Variants in NRXN1 observed in about 807,000 individuals in gnomAD.
The protein encoded by NRXN1 is neurexin-1.
In NRXN1, 39 loss-of-function variants were observed where a neutral mutation model predicts 150.9. The ratio of observed to expected loss-of-function variants is 0.26; its 90% CI spans 0.20 to 0.34. The LOEUF is 0.34. NRXN1 is among the 10% of genes least tolerant of loss of function. The pLI is 1.00. For missense variants in NRXN1, 1,815 were observed against 1,949.9 expected (o/e 0.93, Z 1.30); for synonymous variants, 924 against 757.0 (o/e 1.22, Z -3.62).
chr2:50,306,262 A>G (rs937920837), intron 17 of NRXN1, among the ~76,000 whole-genome samples: 1 of 152,224 alleles, frequency 6.6e-6, no homozygotes, highest in African/African-American at 2.4e-5. Flanking sequence ...CTTCTTTTTA[A>G]GTCACTATGG....
At chr2:50,449,802 A>G (rs979497445) in intron 17 of NRXN1, among the ~76,000 whole-genome samples, 6 of 152,156 alleles carry the variant, frequency 3.9e-5, no homozygotes, top group African/African-American at 1.4e-4. Context: ...GCAGTATCTC[A>G]ATAGCTACCA....
intron 17 of NRXN1, among the ~76,000 whole-genome samples, chr2:50,301,996 T>A (rs1715995): frequency 0.77 from 117,198 of 152,064 alleles, 45,336 homozygotes; most frequent in East Asian, 0.87. Flanking sequence ...TCCCAGCAAA[T>A]CATTTTTCAG....
intron 18 of NRXN1, among the ~76,000 whole-genome samples, chr2:50,139,169 T>C (rs947285406): frequency 1.3e-5 from 2 of 151,822 alleles, no homozygotes; most frequent in Non-Finnish European, 2.9e-5. Context: ...CTACTAAAAA[T>C]ACAAAAATTA....
intron 17 of NRXN1, among the ~76,000 whole-genome samples, chr2:50,293,380 C>T (rs151003860): frequency 2.5e-4 from 38 of 152,316 alleles, no homozygotes; most frequent in African/African-American, 8.4e-4. Context: ...TAGGTTTCCA[C>T]ATGCATGATA....
intron 5 of NRXN1, among the ~76,000 whole-genome samples, chr2:50,669,012 A>G (rs756709020): frequency 1.3e-5 from 2 of 151,952 alleles, no homozygotes; most frequent in Non-Finnish European, 2.9e-5. Flanking sequence ...GATGAAGTTT[A>G]TGGGATTTGT....
intron 8 of NRXN1, among the ~76,000 whole-genome samples, chr2:50,573,882 G>A (rs1193221602): frequency 2.6e-5 from 4 of 152,042 alleles, no homozygotes; most frequent in Non-Finnish European, 5.9e-5. Context: ...ACAAGAGAAT[G>A]TGCCTAGGTT....
At chr2:50,714,936 G>T (rs1191378535) in intron 5 of NRXN1, among the ~76,000 whole-genome samples, 1 of 152,054 alleles carries the variant, frequency 6.6e-6, no homozygotes, top group South Asian at 2.1e-4. Flanking sequence ...AAATCAGCTG[G>T]AAAAAGTTAA....
intron 17 of NRXN1, among the ~76,000 whole-genome samples, chr2:50,388,533 T>C (rs2103778057): frequency 6.6e-6 from 1 of 152,236 alleles, no homozygotes; most frequent in Non-Finnish European, 1.5e-5. Flanking sequence ...CTTTCCTGTA[T>C]CCTGACAGTC....
chr2:50,633,775 C>T (rs1182414760), intron 5 of NRXN1, among the ~76,000 whole-genome samples: 1 of 152,024 alleles, frequency 6.6e-6, no homozygotes, highest in Admixed American at 6.6e-5. Flanking sequence ...GTAAATAAGG[C>T]TCTCAGGGTC....
chr2:50,193,417 A>G (rs1232497776), intron 18 of NRXN1, among the ~76,000 whole-genome samples: 4 of 152,128 alleles, frequency 2.6e-5, no homozygotes, highest in Non-Finnish European at 5.9e-5. Context: ...CTGCTGTGTT[A>G]TCATTTAGGC....
chr2:50,840,919 T>C (rs1265888379), intron 5 of NRXN1: 1 of 152,224 alleles, frequency 6.6e-6, no homozygotes, highest in East Asian at 1.9e-4. Context: ...TGTGTAACGC[T>C]TACTTCCCTC....
chr2:50,023,139 C>T (rs1382032960), intron 21 of NRXN1: 1 of 152,198 alleles, frequency 6.6e-6, no homozygotes, highest in African/African-American at 2.4e-5. Context: ...CCATAATATA[C>T]TGGAACCCAT....
chr2:50,215,889 T>G (rs1398764444), intron 18 of NRXN1, among the ~76,000 whole-genome samples: 1 of 152,036 alleles, frequency 6.6e-6, no homozygotes, highest in East Asian at 1.9e-4. Context: ...CAAAGAAAAT[T>G]TAAGCAAGTA....
intron 15 of NRXN1, among the ~76,000 whole-genome samples, chr2:50,489,901 A>ATAAC (rs2091146173): frequency 6.6e-6 from 1 of 152,204 alleles, no homozygotes; most frequent in African/African-American, 2.4e-5. Context: ...TGGGAAGGGA[A>ATAAC]TGTTTTAATC....
At chr2:50,797,567 C>T (rs1330789214) in intron 5 of NRXN1, among the ~76,000 whole-genome samples, 1 of 152,110 alleles carries the variant, frequency 6.6e-6, no homozygotes, top group Admixed American at 6.6e-5. Flanking sequence ...ACTTTGGAGA[C>T]AGGTTAATGT....
At chr2:50,161,924 C>G (rs963207005) in intron 18 of NRXN1, among the ~76,000 whole-genome samples, 1 of 152,028 alleles carries the variant, frequency 6.6e-6, no homozygotes, top group African/African-American at 2.4e-5. Context: ...AAACACTCTG[C>G]TAATTGAATT....
intron 18 of NRXN1, among the ~76,000 whole-genome samples, chr2:50,131,878 A>AG (rs1274002051): frequency 6.7e-6 from 1 of 149,576 alleles, no homozygotes; most frequent in Non-Finnish European, 1.5e-5. Flanking sequence ...AGTCAATAGC[A>AG]GGTAAAGAAA....
At chr2:50,380,962 G>T (rs1312379907) in intron 17 of NRXN1, among the ~76,000 whole-genome samples, 1 of 152,078 alleles carries the variant, frequency 6.6e-6, no homozygotes, top group African/African-American at 2.4e-5. Flanking sequence ...GCCACTACCA[G>T]ATCTGTACTT....
At chr2:49,945,597 C>T (rs189023634) in intron 21 of NRXN1, among the ~76,000 whole-genome samples, 91 of 152,120 alleles carry the variant, frequency 6.0e-4, no homozygotes, top group African/African-American at 2.1e-3. Context: ...TCCATGTGTT[C>T]TCATTGTTCA....
Sources: gnomAD v4.1 joint callset for allele counts (sites outside exome capture counted in the v4.1 genomes callset) on GRCh38, gnomAD v4.1.1 for gene constraint, MANE v1.5 for transcripts, NCBI Gene and HGNC (gene_info 2026-07-23, HGNC 2026-07-21) for gene names.